Variants in VTI1A observed in about 807,000 individuals in gnomAD.
VTI1A encodes vesicle transport through interaction with t-SNAREs 1A.
Under a neutral mutation model 34.9 loss-of-function variants are expected in VTI1A, and 22 were observed. The ratio of observed to expected loss-of-function variants is 0.63; its 90% CI spans 0.45 to 0.90. The LOEUF (loss-of-function observed/expected upper bound fraction) is 0.90, where lower values mean the gene tolerates loss of function less well. Ranked by LOEUF, VTI1A falls within the 40% of genes least tolerant of loss-of-function variation. VTI1A has a pLI of 0.00. For missense variants in VTI1A, 268 were observed against 275.6 expected (o/e 0.97, Z 0.20); for synonymous variants, 87 against 97.3 (o/e 0.89, Z 0.62).
chr10:112,682,026 A>G (rs911163456), intron 7 of VTI1A, among the ~76,000 whole-genome samples: 2 of 152,216 alleles, frequency 1.3e-5, no homozygotes, highest in Non-Finnish European at 2.9e-5. Flanking sequence ...TTCTGTATAC[A>G]TGATCTGAAG....
chr10:112,821,919 G>T (rs919083806), downstream of VTI1A, among the ~76,000 whole-genome samples: 1 of 152,206 alleles, frequency 6.6e-6, no homozygotes, highest in Non-Finnish European at 1.5e-5. Context: ...AGGCCCCTGC[G>T]CAGTGACACC....
At chr10:112,683,631 C>T (rs1254630111) in intron 7 of VTI1A, among the ~76,000 whole-genome samples, 1 of 152,100 alleles carries the variant, frequency 6.6e-6, no homozygotes, top group East Asian at 1.9e-4. Context: ...GTTTCAAGTT[C>T]AATATTATAT....
chr10:112,706,041 T>A (rs1167548287), intron 7 of VTI1A, among the ~76,000 whole-genome samples: 3 of 152,222 alleles, frequency 2.0e-5, no homozygotes, highest in Non-Finnish European at 2.9e-5. Context: ...CTGTCACAAA[T>A]GTAGCCTAGG....
At chr10:112,813,522 TG>T (rs1456446136) in intron 7 of VTI1A, among the ~76,000 whole-genome samples, 1 of 152,156 alleles carries the variant, frequency 6.6e-6, no homozygotes, top group Non-Finnish European at 1.5e-5. Context: ...CTTGGGCAAA[TG>T]GGATGTGTAG....
chr10:112,755,496 C>T (rs1851253357), intron 7 of VTI1A, among the ~76,000 whole-genome samples: 1 of 152,180 alleles, frequency 6.6e-6, no homozygotes, highest in South Asian at 2.1e-4. Context: ...GTCCTTATAA[C>T]TTACCAGGGT....
rs149947864 is a variant in VTI1A at position 112,504,277 on chromosome 10, A to C, written c.265-22810A>C. 2.3e-3 allele frequency among the ~76,000 whole-genome samples: 352 copies of C among 152,118 alleles called. 3 individuals carry two copies. The highest frequency in any genetic ancestry group is 8.1e-3 in the African/African-American group (337 of 41,516). On this transcript the variant is annotated intron_variant, in intron 3 of 7. Coordinates refer to ENST00000393077, the MANE Select transcript of VTI1A (RefSeq NM_145206.4). The stretch of plus-strand genomic sequence containing the variant: ...ATTCCAACCTCCTCCCAAATCTCCA[A>C]CCCAGGTAACTACTGTTACGAATTG...
chr10:112,625,286 G>A (rs1360250349), intron 5 of VTI1A, among the ~76,000 whole-genome samples: 1 of 152,162 alleles, frequency 6.6e-6, no homozygotes, highest in South Asian at 2.1e-4. Flanking sequence ...ATATGCAAAG[G>A]AAGAGCTAGT....
At chr10:112,669,318 G>A (rs1331994625) in intron 7 of VTI1A, among the ~76,000 whole-genome samples, 1 of 152,086 alleles carries the variant, frequency 6.6e-6, no homozygotes, top group Non-Finnish European at 1.5e-5. Flanking sequence ...TTTCTATTTC[G>A]ATGGCCTTCT....
intron 7 of VTI1A, among the ~76,000 whole-genome samples, chr10:112,710,576 C>T (rs184439924): frequency 4.9e-4 from 74 of 152,256 alleles, no homozygotes; most frequent in African/African-American, 1.4e-3. Flanking sequence ...CAGAATTGCA[C>T]GTGGTTTATA....
At chr10:112,551,186 G>A (rs1004464444) in intron 5 of VTI1A, among the ~76,000 whole-genome samples, 1 of 146,952 alleles carries the variant, frequency 6.8e-6, no homozygotes, top group African/African-American at 2.6e-5. Context: ...GGAGCTTGCC[G>A]TGAGCAGAGA....
At position 112,585,208 on chromosome 10, in the gene VTI1A, A is replaced by G. The variant is rs566770796; in HGVS notation, c.427+46878A>G. Among the ~76,000 whole-genome samples, 35 of 152,318 alleles carry G rather than the reference A, an allele frequency of 2.3e-4. 1 individual carries two copies. In the East Asian group the frequency reaches 5.6e-3, roughly 24 times the overall value. ...CTAACTTGTGTAAACAGTGTCGCAGACAGTACGAGACATGAATGGGCGAGG... is the reference window on the plus strand; with the variant it reads ...CTAACTTGTGTAAACAGTGTCGCAGGCAGTACGAGACATGAATGGGCGAGG... On this transcript the variant is annotated intron_variant, in intron 5 of 7. Transcript: ENST00000393077.
chr10:112,725,737 T>C (rs567515573), intron 7 of VTI1A, among the ~76,000 whole-genome samples: 2 of 152,344 alleles, frequency 1.3e-5, no homozygotes, highest in East Asian at 1.9e-4. Flanking sequence ...GTTTATTAAA[T>C]AGTTTTCAGA....
chr10:112,739,789 A>T (rs1048679150), intron 7 of VTI1A, among the ~76,000 whole-genome samples: 1 of 152,220 alleles, frequency 6.6e-6, no homozygotes, highest in African/African-American at 2.4e-5. Context: ...TGCCATCCAG[A>T]TGTGTGTGGA....
At chr10:112,755,626 C>T (rs1025199222) in intron 7 of VTI1A, among the ~76,000 whole-genome samples, 2 of 152,190 alleles carry the variant, frequency 1.3e-5, no homozygotes. Context: ...CTTATTTTGC[C>T]TCCAGGCCCT....
At chr10:112,740,818 T>C (rs911398630) in intron 7 of VTI1A, among the ~76,000 whole-genome samples, 3 of 152,220 alleles carry the variant, frequency 2.0e-5, no homozygotes, top group Admixed American at 6.5e-5. Context: ...TTTCCATTAC[T>C]AGGTATCTGT....
intron 5 of VTI1A, among the ~76,000 whole-genome samples, chr10:112,665,668 TAG>T (rs1265189482): frequency 1.3e-5 from 2 of 152,228 alleles, no homozygotes; most frequent in East Asian, 3.9e-4. Flanking sequence ...CCACTCAGAG[TAG>T]AGTTTTCCCC....
At chr10:112,606,995 G>A (rs1252225803) in intron 5 of VTI1A, among the ~76,000 whole-genome samples, 3 of 151,982 alleles carry the variant, frequency 2.0e-5, no homozygotes, top group Non-Finnish European at 4.4e-5. Context: ...AAAGATAAGA[G>A]AGCTAAGTTG....
intron 7 of VTI1A, among the ~76,000 whole-genome samples, chr10:112,766,625 T>A (rs1217924696): frequency 7.6e-6 from 1 of 132,268 alleles, no homozygotes; most frequent in Admixed American, 7.4e-5. Context: ...TTGCTTCAGA[T>A]TAACAAAAAA....
intron 7 of VTI1A, among the ~76,000 whole-genome samples, chr10:112,797,690 C>T (rs1852719063): frequency 1.1e-5 from 1 of 92,918 alleles, no homozygotes. Context: ...TCTGTGATGA[C>T]GTGAGGATTT....
Sources: allele counts gnomAD v4.1 joint callset (sites outside exome capture counted in the v4.1 genomes callset), GRCh38; gene constraint gnomAD v4.1.1; transcripts MANE v1.5; gene names NCBI Gene and HGNC (gene_info 2026-07-23, HGNC 2026-07-21).